Variants in RNF185 observed in about 807,000 individuals in gnomAD.
The protein encoded by RNF185 is ring finger protein 185.
RNF185 carries 13 observed loss-of-function variants against 24.9 expected under a neutral mutation model. The observed-to-expected ratio is 0.52, with a 90% CI of 0.34 to 0.83. The LOEUF (loss-of-function observed/expected upper bound fraction) is 0.83, where lower values mean the gene tolerates loss of function less well. RNF185 is among the 40% of genes least tolerant of loss of function. The pLI is 0.01. For missense variants in RNF185, 184 were observed against 244.7 expected (o/e 0.75, Z 1.65); for synonymous variants, 79 against 90.3 (o/e 0.88, Z 0.71).
At chr22:31,185,981 C>G (rs948179802) in intron 1 of RNF185, among the ~76,000 whole-genome samples, 2 of 152,096 alleles carry the variant, frequency 1.3e-5, no homozygotes, top group African/African-American at 4.8e-5. Context: ...GAAATTGGAC[C>G]AGATCAAGAT....
chr22:31,184,808 G>C (rs1281517390), intron 1 of RNF185, among the ~76,000 whole-genome samples: 1 of 151,950 alleles, frequency 6.6e-6, no homozygotes, highest in African/African-American at 2.4e-5. Flanking sequence ...CCAGGCACTC[G>C]GCAGGCTGAG....
At chr22:31,162,632 T>A (rs62761462) in intron 1 of RNF185, among the ~76,000 whole-genome samples, 1 of 139,518 alleles carries the variant, frequency 7.2e-6, no homozygotes, top group Non-Finnish European at 1.6e-5. Flanking sequence ...TTTTTTTTTT[T>A]AATTGAAGCA....
At chr22:31,189,751 G>GCACGCCACCA (rs71296607) in intron 2 of RNF185, among the ~76,000 whole-genome samples, 13 of 151,366 alleles carry the variant, frequency 8.6e-5, no homozygotes, top group African/African-American at 2.7e-4. Flanking sequence ...GATTACAGGT[G>GCACGCCACCA]CACCCAGCTA....
At chr22:31,171,971 A>C (rs2147926953) in intron 1 of RNF185, among the ~76,000 whole-genome samples, 1 of 152,300 alleles carries the variant, frequency 6.6e-6, no homozygotes, top group Non-Finnish European at 1.5e-5. Flanking sequence ...TCCATCTCAA[A>C]AAAAAGAAAG....
At chr22:31,194,521 A>T (rs2048185490) in intron 3 of RNF185, among the ~76,000 whole-genome samples, 1 of 152,052 alleles carries the variant, frequency 6.6e-6, no homozygotes, top group Non-Finnish European at 1.5e-5. Context: ...CGAGGTCAGG[A>T]GTTTGAGACC....
intron 5 of RNF185, among the ~76,000 whole-genome samples, chr22:31,197,760 T>C (rs534052054): frequency 1.3e-5 from 2 of 152,180 alleles, no homozygotes; most frequent in Non-Finnish European, 2.9e-5. Context: ...TTTGTTTTGT[T>C]TGGGTAGAAA....
intron 1 of RNF185, among the ~76,000 whole-genome samples, chr22:31,176,476 T>C (rs1475741906): frequency 6.7e-6 from 1 of 149,124 alleles, no homozygotes; most frequent in African/African-American, 2.5e-5. Context: ...TTTTACATCC[T>C]GCTTTTTTCT....
At chr22:31,167,573 T>C (rs182146512) in intron 1 of RNF185, among the ~76,000 whole-genome samples, 1,991 of 151,674 alleles carry the variant, frequency 0.013, 19 homozygotes, top group Middle Eastern at 0.024. Flanking sequence ...AATCACACAA[T>C]GTATGACCTT....
chr22:31,180,210 C>G (rs1220123006), intron 1 of RNF185, among the ~76,000 whole-genome samples: 3 of 152,088 alleles, frequency 2.0e-5, no homozygotes, highest in African/African-American at 7.2e-5. Context: ...CACGTGTAAT[C>G]CCAGCACTTT....
At chr22:31,201,460 C>G in intron 5 of RNF185, 38 bp from the exon 6 acceptor site, 1 of 1,472,898 alleles carries the variant, frequency 6.8e-7, no homozygotes, top group Non-Finnish European at 9.5e-7. Context: ...AGAAACCTGC[C>G]TGATTCTCCT....
At chr22:31,175,837 G>A (rs1354584530) in intron 1 of RNF185, among the ~76,000 whole-genome samples, 1 of 152,046 alleles carries the variant, frequency 6.6e-6, no homozygotes, top group Non-Finnish European at 1.5e-5. Context: ...ATTATTCTAA[G>A]GACCATTCAC....
rs114204900 is a variant in RNF185, at chr22:31,166,119, T to C, written c.-49+5816T>C. 9.7e-4 allele frequency among the ~76,000 whole-genome samples: 148 copies of C among 152,218 alleles called. 2 individuals carry two copies. The highest frequency in any genetic ancestry group is 3.3e-3 in the African/African-American group (139 of 41,520). On this transcript the variant is annotated intron_variant, in intron 1 of 6. Coordinates refer to ENST00000326132, the MANE Select transcript of RNF185 (RefSeq NM_152267.4). ...CAATTCTCGTGCCTCAGTTCCTGAG[T>C]AGCTAGAATTACAGGCAAGTGCCAC...
rs578225404 is a variant in RNF185, at chr22:31,188,344, G to T, written c.176+1074G>T. Among the ~76,000 whole-genome samples, 6 of 152,178 alleles carry T rather than the reference G, an allele frequency of 3.9e-5. No individual in the cohort carries two copies. In the South Asian group the frequency reaches 1.2e-3, roughly 32 times the overall value. On this transcript the variant is annotated intron_variant, in intron 2 of 6. Transcript: ENST00000326132. ...TGGAGCAGAGATTTTTGTTCTTGAGGCTCTTGCCCTAATTACCATCTTGTG... is the reference window on the plus strand; with the variant it reads ...TGGAGCAGAGATTTTTGTTCTTGAGTCTCTTGCCCTAATTACCATCTTGTG...
intron 6 of RNF185, among the ~76,000 whole-genome samples, chr22:31,202,205 C>G (rs989041184): frequency 2.0e-5 from 3 of 152,102 alleles, no homozygotes; most frequent in Non-Finnish European, 4.4e-5. Flanking sequence ...AAAGTGCCAT[C>G]CGCATTCGGT....
intron 1 of RNF185, among the ~76,000 whole-genome samples, chr22:31,180,913 C>CTGTGTG (rs751657598): frequency 4.3e-4 from 26 of 60,862 alleles, no homozygotes; most frequent in Non-Finnish European, 6.8e-4. Context: ...TTCTCTCTCT[C>CTGTGTG]TCTGTGTGTG....
chr22:31,175,452 C>CA (rs397952201), intron 1 of RNF185, among the ~76,000 whole-genome samples: 15,970 of 114,904 alleles, frequency 0.14, 1,107 homozygotes, highest in East Asian at 0.43. Flanking sequence ...GAAACTGTCT[C>CA]AAAAAAAAAA....
chr22:31,187,907 C>G (rs1322550562), intron 2 of RNF185, among the ~76,000 whole-genome samples: 1 of 135,958 alleles, frequency 7.4e-6, no homozygotes, highest in African/African-American at 2.9e-5. Flanking sequence ...AGGTGAAGGT[C>G]GGATTTTGGT....
Position 31,189,135 on chromosome 22 carries a change from A to ATGTGTG in RNF185, c.176+1889_176+1894dup, listed in dbSNP as rs202051750. Among the ~76,000 whole-genome samples, 929 of 136,892 alleles carry ATGTGTG rather than the reference A, an allele frequency of 6.8e-3. 10 individuals carry two copies. Among genetic ancestry groups the ATGTGTG allele is most frequent in the African/African-American group, 0.023 (840 of 36,544 alleles). 89.8% of individuals were successfully genotyped at this position (136,892 alleles called of 152,430 possible). On this transcript the variant is annotated intron_variant, in intron 2 of 6. Coordinates refer to ENST00000326132, the MANE Select transcript of RNF185 (RefSeq NM_152267.4). ...AGCAAGACTCTGTCTCAAAAAAAAAATGTGTGTGTGTGTGTGTGTGTGTGT... is the reference window on the plus strand; with the variant it reads ...AGCAAGACTCTGTCTCAAAAAAAAAATGTGTGTGTGTGTGTGTGTGTGTGTGTGTGT...
intron 1 of RNF185, among the ~76,000 whole-genome samples, chr22:31,160,829 TTC>T (rs1923525524): frequency 6.6e-6 from 1 of 152,228 alleles, no homozygotes. Flanking sequence ...TGCTTTGTAA[TTC>T]TCTGAGATGC....
Sources: allele counts gnomAD v4.1 joint callset (sites outside exome capture counted in the v4.1 genomes callset), GRCh38; gene constraint gnomAD v4.1.1; transcripts MANE v1.5; gene names NCBI Gene and HGNC (gene_info 2026-07-23, HGNC 2026-07-21).